WDPCP: variants seen among roughly 807,000 people sequenced by gnomAD.
The protein encoded by WDPCP is WD repeat-containing and planar cell polarity effector protein fritz homolog.
WDPCP carries 71 observed loss-of-function variants against 93.1 expected under a neutral mutation model. The observed-to-expected ratio is 0.76, with a 90% CI of 0.63 to 0.93. WDPCP has a LOEUF of 0.93. Ranked by LOEUF, WDPCP falls within the 40% of genes least tolerant of loss-of-function variation. WDPCP has a pLI of 0.00. For missense variants in WDPCP, 844 were observed against 887.4 expected (o/e 0.95, Z 0.62); for synonymous variants, 315 against 315.0 (o/e 1.00, Z 0.00).
intron 2 of WDPCP, among the ~76,000 whole-genome samples, chr2:63,791,670 CA>C (rs1295579352): frequency 6.6e-6 from 1 of 152,102 alleles, no homozygotes; most frequent in Non-Finnish European, 1.5e-5. Context: ...GCCATCAGAC[CA>C]GAGTCTCCAG....
chr2:63,470,970 A>C (rs936096923), intron 6 of WDPCP, among the ~76,000 whole-genome samples: 1 of 152,052 alleles, frequency 6.6e-6, no homozygotes, highest in Non-Finnish European at 1.5e-5. Context: ...TTCATATCTT[A>C]ATCTCAATCT....
chr2:63,267,480 T>C (rs565962863), intron 13 of WDPCP, among the ~76,000 whole-genome samples: 2 of 152,082 alleles, frequency 1.3e-5, no homozygotes, highest in East Asian at 3.9e-4. Context: ...CAAAAATAGA[T>C]AAATGAGACT....
At chr2:63,473,352 C>G (rs774614756) in intron 6 of WDPCP, among the ~76,000 whole-genome samples, 1 of 152,152 alleles carries the variant, frequency 6.6e-6, no homozygotes, top group African/African-American at 2.4e-5. Context: ...TTCAGTCTAG[C>G]CACCTCATGT....
At chr2:63,436,245 C>A (rs1697129429) in intron 8 of WDPCP, among the ~76,000 whole-genome samples, 1 of 151,918 alleles carries the variant, frequency 6.6e-6, no homozygotes, top group Non-Finnish European at 1.5e-5. Flanking sequence ...TTTGTTTTGG[C>A]TAACCAAATA....
At chr2:63,163,946 A>T (rs1559166757) in intron 15 of WDPCP, among the ~76,000 whole-genome samples, 1 of 152,222 alleles carries the variant, frequency 6.6e-6, no homozygotes, top group Non-Finnish European at 1.5e-5. Flanking sequence ...AACTTTTAAC[A>T]AGATAGTATT....
chr2:63,313,886 A>ATATATATGTGTGTGTGTATATTT, intron 12 of WDPCP, among the ~76,000 whole-genome samples: 1 of 74,502 alleles, frequency 1.3e-5, no homozygotes, highest in African/African-American at 5.2e-5. Context: ...ATATATATAT[A>ATATATATGTGTGTGTGTATATTT]TTTTTTTTTT....
intron 2 of WDPCP, among the ~76,000 whole-genome samples, chr2:63,774,150 A>G (rs1465794637): frequency 6.6e-6 from 1 of 152,124 alleles, no homozygotes; most frequent in African/African-American, 2.4e-5. Flanking sequence ...AGCCTAGGAA[A>G]TTGTAGGTCA....
At chr2:63,586,834 G>A (rs1708874992) in intron 1 of WDPCP, among the ~76,000 whole-genome samples, 1 of 152,138 alleles carries the variant, frequency 6.6e-6, no homozygotes, top group Non-Finnish European at 1.5e-5. Flanking sequence ...GTTATAAAAA[G>A]TCTCCCTTGT....
At chr2:63,691,591 T>A (rs767160739) in intron 2 of WDPCP, among the ~76,000 whole-genome samples, 15 of 151,810 alleles carry the variant, frequency 9.9e-5, no homozygotes, top group Non-Finnish European at 1.8e-4. Context: ...GCCAAGATTG[T>A]GCCACTGCAT....
chr2:63,738,712 T>C (rs1316588937), intron 2 of WDPCP, among the ~76,000 whole-genome samples: 1 of 152,180 alleles, frequency 6.6e-6, no homozygotes, highest in African/African-American at 2.4e-5. Context: ...AAAGGATAAA[T>C]GTTTATGTTT....
At chr2:63,292,926 C>A (rs901986507) in intron 13 of WDPCP, among the ~76,000 whole-genome samples, 2 of 152,194 alleles carry the variant, frequency 1.3e-5, no homozygotes, top group South Asian at 4.1e-4. Context: ...ACATCCACCA[C>A]CCCAGCTGTA....
At chr2:63,139,393 C>A (rs1390453443) in intron 17 of WDPCP, among the ~76,000 whole-genome samples, 20 of 152,194 alleles carry the variant, frequency 1.3e-4, no homozygotes, top group Non-Finnish European at 2.9e-4. Flanking sequence ...TTTAAGGAAT[C>A]TCCACACTGT....
intron 15 of WDPCP, among the ~76,000 whole-genome samples, chr2:63,158,840 A>T (rs972615718): frequency 6.6e-6 from 1 of 152,032 alleles, no homozygotes; most frequent in Non-Finnish European, 1.5e-5. Flanking sequence ...TCAATGAGTT[A>T]AAAAATTTTG....
chr2:63,484,490 A>G, intron 6 of WDPCP, 114 bp downstream of exon 6: 1 of 1,132,734 alleles, frequency 8.8e-7, no homozygotes, highest in Admixed American at 1.9e-5. Context: ...CTATGAAATA[A>G]CCACTGCTAA....
upstream of WDPCP, chr2:63,588,998 G>C (rs192476248): frequency 3.7e-6 from 6 of 1,614,172 alleles, no homozygotes; most frequent in East Asian, 8.9e-5. Flanking sequence ...CTGACTCTCT[G>C]AGGCTCATTT....
intron 2 of WDPCP, among the ~76,000 whole-genome samples, chr2:63,730,219 T>C (rs948712248): frequency 3.9e-5 from 6 of 151,924 alleles, no homozygotes; most frequent in South Asian, 4.2e-4. Context: ...TTTTTTTTTT[T>C]ACATGAGGAA....
chr2:63,661,880 A>T (rs1348570006), intron 2 of WDPCP, among the ~76,000 whole-genome samples: 2 of 152,130 alleles, frequency 1.3e-5, no homozygotes, highest in South Asian at 2.1e-4. Flanking sequence ...CAGTAAGGGG[A>T]GCTTCCAGGT....
rs567622768 is a variant in WDPCP, at chr2:63,165,749, T to C, written c.2078+8921A>G. ...TTCATTTGCATAGAAATTTGCGAAG[T>C]AGTCTCTTATGATTAAAAAGAAAAA... is the stretch of plus-strand genomic sequence containing the variant. On this transcript the variant is annotated intron_variant, in intron 15 of 17. Coordinates refer to ENST00000272321, the MANE Select transcript of WDPCP (RefSeq NM_015910.7). 2.6e-5 allele frequency among the ~76,000 whole-genome samples: 4 copies of C among 151,620 alleles called. No homozygotes were observed. In the South Asian group the frequency reaches 8.4e-4, roughly 32 times the overall value.
intron 2 of WDPCP, among the ~76,000 whole-genome samples, chr2:63,741,421 G>A (rs1669712258): frequency 6.6e-6 from 1 of 151,960 alleles, no homozygotes; most frequent in African/African-American, 2.4e-5. Context: ...AGAAATAAAT[G>A]TTTTATTTAA....
Sources: gnomAD v4.1 joint callset for allele counts (sites outside exome capture counted in the v4.1 genomes callset) on GRCh38, gnomAD v4.1.1 for gene constraint, MANE v1.5 for transcripts, NCBI Gene and HGNC (gene_info 2026-07-23, HGNC 2026-07-21) for gene names.